Variants in ADCY10 observed in about 807,000 individuals in gnomAD.
ADCY10 encodes adenylate cyclase type 10.
A neutral mutation model predicts 183.3 loss-of-function variants in ADCY10; 156 were observed. That is an observed-to-expected ratio of 0.85 (90% confidence interval 0.75 to 0.97). The LOEUF (loss-of-function observed/expected upper bound fraction) is 0.97. Ranked by LOEUF, ADCY10 falls within the 50% of genes least tolerant of loss-of-function variation. The pLI is 0.00. For missense variants in ADCY10, 1,745 were observed against 1,934.3 expected (o/e 0.90, Z 1.84); for synonymous variants, 645 against 670.0 (o/e 0.96, Z 0.58).
rs111629601 is a variant in ADCY10, at chr1:167,867,522, G to C, written c.1616+2735C>G. Among the ~76,000 whole-genome samples, 1,042 of 152,262 alleles carry C rather than the reference G, an allele frequency of 6.8e-3. 9 individuals carry two copies. Among genetic ancestry groups the C allele is most frequent in the Admixed American group, 0.011 (161 of 15,288 alleles). ...TGTACGAGGACTCTAAAAGAAACTT[G>C]TTTGTATAATGCTATTCTATCCAAG... On this transcript the variant is annotated intron_variant, in intron 14 of 32. Transcript: ENST00000367851.
chr1:167,860,128 C>G (rs1666188956), intron 15 of ADCY10, among the ~76,000 whole-genome samples: 1 of 152,116 alleles, frequency 6.6e-6, no homozygotes, highest in Non-Finnish European at 1.5e-5. Context: ...TTATTGTGCA[C>G]TTTGCTTCTA....
chr1:167,850,651 A>C (rs192965871), intron 18 of ADCY10, among the ~76,000 whole-genome samples: 304 of 137,656 alleles, frequency 2.2e-3, no homozygotes, highest in Admixed American at 4.2e-3. Flanking sequence ...ATAGCATACC[A>C]AAAAGGGGGC....
intron 9 of ADCY10, among the ~76,000 whole-genome samples, chr1:167,882,542 C>T (rs943162330): frequency 6.6e-6 from 1 of 151,208 alleles, no homozygotes; most frequent in Non-Finnish European, 1.5e-5. Flanking sequence ...GAGGCAGTCC[C>T]CTCCCTGCCA....
chr1:167,866,864 G>A (rs1169501560), intron 14 of ADCY10, among the ~76,000 whole-genome samples: 1 of 151,686 alleles, frequency 6.6e-6, no homozygotes, highest in Non-Finnish European at 1.5e-5. Flanking sequence ...AAAACAACTA[G>A]ATGGGGTTTC....
intron 18 of ADCY10, among the ~76,000 whole-genome samples, chr1:167,853,219 T>C (rs534073051): frequency 6.6e-6 from 1 of 152,316 alleles, no homozygotes; most frequent in Non-Finnish European, 1.5e-5. Flanking sequence ...TGTTAAATCA[T>C]CGTATTACTT....
At chr1:167,846,413 AG>A in intron 19 of ADCY10, 150 bp from the exon 20 acceptor site, 1 of 979,746 alleles carries the variant, frequency 1.0e-6, no homozygotes, top group South Asian at 1.4e-5. Flanking sequence ...GTATTTGTTT[AG>A]TACCTAATTT....
chr1:167,897,997 C>CAAAAAAAA (rs1163013935), intron 6 of ADCY10, among the ~76,000 whole-genome samples: 4 of 17,390 alleles, frequency 2.3e-4, no homozygotes, highest in African/African-American at 1.2e-3. Context: ...GACTCTGTCT[C>CAAAAAAAA]AAAAAAAAAA....
intron 2 of ADCY10, 68 bp from the exon 3 acceptor site, chr1:167,904,059 C>T: frequency 6.1e-6 from 6 of 986,722 alleles, no homozygotes; most frequent in Admixed American, 1.8e-5. Flanking sequence ...AAGAGGACTA[C>T]CCTGGAAGGC....
Position 167,909,556 on chromosome 1 carries a change from A to AT in ADCY10, c.-58-4359dup, listed in dbSNP as rs111641148. On this transcript the variant is annotated intron_variant, in intron 1 of 32. Coordinates refer to ENST00000367851, the MANE Select transcript of ADCY10 (RefSeq NM_018417.6). Reference sequence around the variant, plus strand: ...TAAAACATTATGAGATTTTTTTGTGATTTTTTTTTCTTAGCTCATCAGCTA... The same window carrying AT: ...TAAAACATTATGAGATTTTTTTGTGATTTTTTTTTTCTTAGCTCATCAGCTA... Among the ~76,000 whole-genome samples the AT allele has an allele frequency of 1.2e-3, 183 of 151,426 alleles. 1 individual carries two copies. The highest frequency in any genetic ancestry group is 3.7e-3 in the African/African-American group (151 of 41,268).
At chr1:167,833,234 A>G in intron 24 of ADCY10, 72 bp from the exon 25 acceptor site, 1 of 1,417,606 alleles carries the variant, frequency 7.1e-7, no homozygotes, top group Non-Finnish European at 9.9e-7. Flanking sequence ...AGGTCCCAAC[A>G]ATCCATATTT....
At chr1:167,877,354 G>C (rs1312430949) in intron 12 of ADCY10, among the ~76,000 whole-genome samples, 1 of 151,368 alleles carries the variant, frequency 6.6e-6, no homozygotes, top group African/African-American at 2.4e-5. Flanking sequence ...GCACTTTATT[G>C]ATGGCCTATG....
chr1:167,883,114 T>C (rs1448558417), intron 9 of ADCY10, among the ~76,000 whole-genome samples: 2 of 152,248 alleles, frequency 1.3e-5, no homozygotes, highest in African/African-American at 4.8e-5. Context: ...CTCGGCTCAC[T>C]GCAACCTCCG....
In ADCY10 at chr1:167,846,289, A is replaced by G; in HGVS notation, c.2438-26T>C. 4.3e-6 allele frequency: 7 copies of G among 1,613,610 alleles called. No homozygotes were observed. The South Asian group carries it at 7.7e-5, about 18-fold the overall frequency. ...CTGCAGGTAGAAGGCCACACAGTAG[A>G]AAACTAGTTATTTATCTTTATCTAA... On this transcript the variant is annotated intron_variant, in intron 19 of 32. Transcript: ENST00000367851.
At chr1:167,851,703 A>G (rs1406872410) in intron 18 of ADCY10, among the ~76,000 whole-genome samples, 1 of 152,082 alleles carries the variant, frequency 6.6e-6, no homozygotes, top group Non-Finnish European at 1.5e-5. Context: ...AGTTGCCTGT[A>G]ATCCCAGATA....
At chr1:167,869,670 C>T (rs1666958854) in intron 14 of ADCY10, among the ~76,000 whole-genome samples, 1 of 152,206 alleles carries the variant, frequency 6.6e-6, no homozygotes, top group Non-Finnish European at 1.5e-5. Context: ...TTCTGTTTCA[C>T]TGTGACCACC....
chr1:167,822,761 G>A (rs1662991614), intron 29 of ADCY10, among the ~76,000 whole-genome samples: 1 of 152,172 alleles, frequency 6.6e-6, no homozygotes, highest in Non-Finnish European at 1.5e-5. Flanking sequence ...TGATCTGACA[G>A]TTTAACTGGC....
intron 1 of ADCY10, among the ~76,000 whole-genome samples, chr1:167,907,115 T>C (rs1007581377): frequency 2.0e-5 from 3 of 152,134 alleles, no homozygotes; most frequent in Admixed American, 2.0e-4. Flanking sequence ...AACATATATC[T>C]ACAGATACTG....
In ADCY10 at chr1:167,894,823, G is replaced by A. The variant is rs146620860; in HGVS notation, c.740-882C>T. Among the ~76,000 whole-genome samples, 318 of 152,296 alleles carry A rather than the reference G, an allele frequency of 2.1e-3. 1 individual carries two copies. Among genetic ancestry groups the A allele is most frequent in the African/African-American group, 7.3e-3 (304 of 41,564 alleles). On this transcript the variant is annotated intron_variant, in intron 7 of 32. Transcript: ENST00000367851. ...CTGGGGATCCCAGAGCTTGCAGCTA[G>A]TGTCTGAAGTTTGTAGAGGATTCAA...
chr1:167,900,593 C>T (rs549399729), intron 5 of ADCY10, among the ~76,000 whole-genome samples: 8 of 151,824 alleles, frequency 5.3e-5, no homozygotes, highest in East Asian at 3.9e-4. Flanking sequence ...AGTGCAATGG[C>T]GCCATCTCGG....
Sources: allele counts gnomAD v4.1 joint callset (sites outside exome capture counted in the v4.1 genomes callset), GRCh38; gene constraint gnomAD v4.1.1; transcripts MANE v1.5; gene names NCBI Gene and HGNC (gene_info 2026-07-23, HGNC 2026-07-21).